Variants in SYN3 observed in about 807,000 individuals in gnomAD.
The protein encoded by SYN3 is synapsin III.
In SYN3, 35 loss-of-function variants were observed where a neutral mutation model predicts 65.8. That is an observed-to-expected ratio of 0.53 (90% CI 0.41 to 0.70). The LOEUF is 0.70. SYN3 is among the 30% of genes least tolerant of loss of function. The probability of loss-of-function intolerance (pLI) is 0.00; values close to 1 mark genes in which losing one functional copy is unlikely to be tolerated. For missense variants in SYN3, 680 were observed against 749.0 expected (o/e 0.91, Z 1.08); for synonymous variants, 270 against 292.9 (o/e 0.92, Z 0.80).
chr22:32,958,187 C>T (rs897553603), intron 3 of SYN3, among the ~76,000 whole-genome samples: 12 of 152,162 alleles, frequency 7.9e-5, no homozygotes, highest in Non-Finnish European at 1.2e-4. Flanking sequence ...ATCCCGTAAA[C>T]GTAGCATCAC....
chr22:32,882,563 C>T (rs999699477), intron 4 of SYN3, among the ~76,000 whole-genome samples: 9 of 152,036 alleles, frequency 5.9e-5, no homozygotes, highest in African/African-American at 1.2e-4. Context: ...TGTGTTTAAA[C>T]GAGACAGAGG....
At chr22:32,813,038 C>G (rs2046955263) in intron 6 of SYN3, among the ~76,000 whole-genome samples, 1 of 152,312 alleles carries the variant, frequency 6.6e-6, no homozygotes, top group East Asian at 1.9e-4. Context: ...TTGGCTGATT[C>G]TCTTTTGGCC....
At chr22:32,765,487 G>C (rs188534135) in intron 6 of SYN3, among the ~76,000 whole-genome samples, 1 of 152,164 alleles carries the variant, frequency 6.6e-6, no homozygotes, top group Non-Finnish European at 1.5e-5. Flanking sequence ...GATAGGACAA[G>C]GTTTAATTGA....
intron 6 of SYN3, among the ~76,000 whole-genome samples, chr22:32,639,175 G>A (rs772224989): frequency 4.6e-5 from 7 of 152,042 alleles, no homozygotes; most frequent in African/African-American, 1.4e-4. Context: ...GAATGGTCTC[G>A]ATCTCCTGAC....
chr22:32,983,860 A>C (rs2052440921), intron 2 of SYN3, among the ~76,000 whole-genome samples: 1 of 152,180 alleles, frequency 6.6e-6, no homozygotes, highest in African/African-American at 2.4e-5. Context: ...GCAAACATTT[A>C]AATAAAAGAC....
At chr22:32,527,426 C>A (rs2710360) in intron 12 of SYN3, among the ~76,000 whole-genome samples, 1 of 152,010 alleles carries the variant, frequency 6.6e-6, no homozygotes, top group Admixed American at 6.6e-5. Flanking sequence ...ATGGTGAAAC[C>A]CCATCTCTAC....
chr22:32,780,885 TTGCC>T (rs5845030), intron 6 of SYN3, among the ~76,000 whole-genome samples: 46,477 of 96,176 alleles, frequency 0.48, 14,075 homozygotes, highest in East Asian at 0.79. Flanking sequence ...CTTGGTATTA[TTGCC>T]TGCCTGCCTG....
chr22:32,577,710 C>T (rs925909033), intron 7 of SYN3, among the ~76,000 whole-genome samples: 1 of 152,198 alleles, frequency 6.6e-6, no homozygotes, highest in Non-Finnish European at 1.5e-5. Context: ...CTTTTTACCT[C>T]AAGCACTCAC....
chr22:32,814,488 C>T (rs1463983363), intron 6 of SYN3, among the ~76,000 whole-genome samples: 1 of 152,128 alleles, frequency 6.6e-6, no homozygotes, highest in African/African-American at 2.4e-5. Context: ...AAACCACTGC[C>T]CATCTTTTTC....
chr22:32,920,256 G>A (rs5754340), intron 4 of SYN3, among the ~76,000 whole-genome samples: 1 of 152,138 alleles, frequency 6.6e-6, no homozygotes, highest in African/African-American at 2.4e-5. Flanking sequence ...CTGCCTCCTC[G>A]GGTGTTTTTC....
chr22:32,807,972 T>A (rs556782542), intron 6 of SYN3, among the ~76,000 whole-genome samples: 5 of 152,172 alleles, frequency 3.3e-5, no homozygotes, highest in African/African-American at 9.6e-5. Context: ...ACTTACTGAG[T>A]GTTTTTTTTC....
At chr22:32,638,661 A>C (rs1487258881) in intron 6 of SYN3, among the ~76,000 whole-genome samples, 1 of 152,130 alleles carries the variant, frequency 6.6e-6, no homozygotes, top group Non-Finnish European at 1.5e-5. Flanking sequence ...AAATGGGGCT[A>C]TCGGTTTTTT....
At chr22:32,642,029 T>C (rs988454935) in intron 6 of SYN3, among the ~76,000 whole-genome samples, 6 of 151,950 alleles carry the variant, frequency 3.9e-5, no homozygotes, top group African/African-American at 1.2e-4. Context: ...GTGGGTCACA[T>C]CTGAAATCCC....
chr22:32,587,530 T>G (rs1435944533), intron 7 of SYN3, among the ~76,000 whole-genome samples: 2 of 152,172 alleles, frequency 1.3e-5, no homozygotes, highest in African/African-American at 4.8e-5. Flanking sequence ...TTTTGATTTC[T>G]TAACTATTCC....
intron 6 of SYN3, among the ~76,000 whole-genome samples, chr22:32,714,549 G>T (rs1343629403): frequency 6.6e-6 from 1 of 152,068 alleles, no homozygotes; most frequent in African/African-American, 2.4e-5. Flanking sequence ...CTGTGGACCA[G>T]CTGAGACTTT....
At chr22:32,642,162 G>A (rs887661211) in intron 6 of SYN3, among the ~76,000 whole-genome samples, 9 of 151,934 alleles carry the variant, frequency 5.9e-5, no homozygotes, top group East Asian at 4.0e-4. Flanking sequence ...TGGTGCAAGC[G>A]CCTGTAATCC....
At chr22:32,613,123 G>A (rs1601759388) in intron 6 of SYN3, among the ~76,000 whole-genome samples, 1 of 151,650 alleles carries the variant, frequency 6.6e-6, no homozygotes, top group African/African-American at 2.4e-5. Context: ...GTTTCCTGAG[G>A]CCTCCCCAGC....
At chr22:32,824,795 T>TAAA (rs2047353532) in intron 6 of SYN3, among the ~76,000 whole-genome samples, 1 of 152,144 alleles carries the variant, frequency 6.6e-6, no homozygotes, top group African/African-American at 2.4e-5. Context: ...TGATACTGAG[T>TAAA]AAAGACATGG....
chr22:33,053,081 T>C (rs1340320302), intron 1 of SYN3, among the ~76,000 whole-genome samples: 1 of 152,222 alleles, frequency 6.6e-6, no homozygotes, highest in African/African-American at 2.4e-5. Context: ...ATTTATTTCC[T>C]GCACTGAACA....
Sources: allele counts gnomAD v4.1 joint callset (sites outside exome capture counted in the v4.1 genomes callset), GRCh38; gene constraint gnomAD v4.1.1; transcripts MANE v1.5; gene names NCBI Gene and HGNC (gene_info 2026-07-23, HGNC 2026-07-21).